SSH2: variants seen among roughly 807,000 people sequenced by gnomAD.
The protein encoded by SSH2 is slingshot protein phosphatase 2.
A neutral mutation model predicts 135.2 loss-of-function variants in SSH2; 37 were observed. That is an observed-to-expected ratio of 0.27 (90% CI 0.21 to 0.36). The LOEUF (loss-of-function observed/expected upper bound fraction) is 0.36, where lower values mean the gene tolerates loss of function less well. SSH2 is among the 10% of genes least tolerant of loss of function. SSH2 has a pLI of 1.00. For synonymous variants in SSH2, 628 were observed against 646.2 expected (o/e 0.97, Z 0.43); for missense variants, 1,408 against 1,765.3 (o/e 0.80, Z 3.63).
intron 1 of SSH2, among the ~76,000 whole-genome samples, chr17:29,884,358 G>T (rs1012019628): frequency 6.6e-6 from 1 of 152,080 alleles, no homozygotes; most frequent in Admixed American, 6.5e-5. Flanking sequence ...CTTTCTGATT[G>T]CTCCTTTCAG....
chr17:29,903,461 CAA>C (rs35245063), intron 1 of SSH2, among the ~76,000 whole-genome samples: 4 of 136,620 alleles, frequency 2.9e-5, no homozygotes, highest in Admixed American at 7.4e-5. Context: ...CAAGATTTAC[CAA>C]AAAAAAAAAA....
rs1224253862 is a variant in SSH2 at position 29,632,237 on chromosome 17, A to G, written c.2957T>C (p.Val986Ala). The change falls in exon 16 of 16, where the codon GTG becomes GCG. Residue 986 changes from valine to alanine, a missense_variant. Physicochemically the swap from Val to Ala is moderately conservative, Grantham distance 64. Around this residue, in one of 3 missense-constraint regions of SSH2, gnomAD observed 1,080 missense variants for 1,144.5 expected, o/e 0.94. Coordinates refer to ENST00000540801, the MANE Select transcript of SSH2 (RefSeq NM_001282129.2). ...EQNATVPAPRVLEFDHLPDPQ... is the reference protein window; with the variant it reads ...EQNATVPAPRALEFDHLPDPQ... ...ATCTGGCAAGTGGTCAAACTCCAGCACCCTGGGAGCTGGAACAGTGGCATT... is the reference window on the plus strand; with the variant it reads ...ATCTGGCAAGTGGTCAAACTCCAGCGCCCTGGGAGCTGGAACAGTGGCATT... 1.1e-5 allele frequency: 18 copies of G among 1,613,680 alleles called. No homozygotes were observed. The highest frequency in any genetic ancestry group is 1.5e-5 in the Non-Finnish European group (18 of 1,179,922).
Position 29,793,922 on chromosome 17 carries a change from C to T in SSH2, c.160G>A (p.Glu54Lys). 6.2e-7 allele frequency: 1 copy of T among 1,613,340 alleles called. No homozygotes were observed. Among genetic ancestry groups the T allele is most frequent in the Non-Finnish European group, 8.5e-7 (1 of 1,179,418 alleles). Reference protein sequence around the residue: ...FTDSNEADSGEEECRSQPRSI... With the variant: ...FTDSNEADSGKEECRSQPRSI... The stretch of plus-strand genomic sequence containing the variant: ...CTGGGCTGTGACCGGCATTCTTCCT[C>T]CCCACTGTCTGCCTCCTGTATAGAC... The change falls in exon 3 of 16, where the codon GAG becomes AAG. Residue 54 changes from glutamate to lysine, a missense_variant. Physicochemically the swap from Glu to Lys is moderately conservative, Grantham distance 56 (BLOSUM62 1). Coordinates refer to ENST00000540801, the MANE Select transcript of SSH2 (RefSeq NM_001282129.2).
chr17:29,642,310 G>T (rs2036195826), intron 14 of SSH2, among the ~76,000 whole-genome samples: 1 of 152,010 alleles, frequency 6.6e-6, no homozygotes, highest in Admixed American at 6.6e-5. Flanking sequence ...GGCACTCAAA[G>T]AATCAAAACT....
rs894046825 is a variant in SSH2 at position 29,626,249 on chromosome 17, T to C, written c.*4592A>G. The C allele has an allele frequency of 1.3e-5, 2 of 149,910 alleles. No individual in the cohort carries two copies. Among genetic ancestry groups the C allele is most frequent in the Non-Finnish European group, 3.0e-5 (2 of 67,636 alleles). The allele number at this position is 149,910 out of a possible 1,614,324, so 9.3% of individuals were successfully genotyped here. ...GAGAGTCTTCTGGACTTGTTTTCCA[T>C]GTTAGAACAAGTCCTACAAAACAAA... On this transcript the variant is annotated 3_prime_UTR_variant, in exon 16 of 16. Transcript: ENST00000540801.
At chr17:29,673,644 C>T (rs1422421421) in intron 8 of SSH2, among the ~76,000 whole-genome samples, 1 of 152,022 alleles carries the variant, frequency 6.6e-6, no homozygotes, top group Non-Finnish European at 1.5e-5. Flanking sequence ...AATTAGGGAC[C>T]TCACAGAAAA....
At position 29,673,756 on chromosome 17, in the gene SSH2, C is replaced by A. The variant is rs2037592876; in HGVS notation, c.615-1627G>T. ...TGGCTATGCATAGATGTATAATAAA[C>A]AAAGATATGACCATATTCTCCATAT... is the stretch of plus-strand genomic sequence containing the variant. On this transcript the variant is annotated intron_variant, in intron 8 of 15. Transcript: ENST00000540801. 9 of 244,370 alleles carry A rather than the reference C, an allele frequency of 3.7e-5. No homozygotes were observed. In the South Asian group the frequency reaches 4.7e-4, roughly 13 times the overall value. The allele number at this position is 244,370 out of a possible 1,614,324, so 15.1% of individuals were successfully genotyped here.
intron 3 of SSH2, among the ~76,000 whole-genome samples, chr17:29,738,512 A>G (rs1280250468): frequency 6.6e-6 from 1 of 151,254 alleles, no homozygotes; most frequent in Non-Finnish European, 1.5e-5. Context: ...AAGTCTCCTA[A>G]CTTCTCTGAG....
At chr17:29,842,245 G>A (rs1403012851) in intron 2 of SSH2, among the ~76,000 whole-genome samples, 1 of 151,972 alleles carries the variant, frequency 6.6e-6, no homozygotes, top group African/African-American at 2.4e-5. Context: ...CCTGAGGTCA[G>A]GAGTTCAAGA....
At chr17:29,742,488 T>TTG (rs1555625208) in intron 3 of SSH2, among the ~76,000 whole-genome samples, 2 of 145,882 alleles carry the variant, frequency 1.4e-5, no homozygotes, top group Non-Finnish European at 3.0e-5. Flanking sequence ...CCAGTTTTTT[T>TTG]TTTTTTTTTT....
chr17:29,702,901 T>C, intron 4 of SSH2, 58 bp downstream of exon 4: 1 of 1,302,838 alleles, frequency 7.7e-7, no homozygotes, highest in South Asian at 1.2e-5. Flanking sequence ...GTCAACCTTT[T>C]AGAATGTAAC....
rs754211061 is a variant in SSH2, at chr17:29,631,346, C to T, written c.3848G>A (p.Arg1283His). Residue 1283 changes from arginine to histidine, a missense_variant, in exon 16 of 16, where the codon CGC (arginine) becomes CAC (histidine). Physicochemically the swap from Arg to His is conservative, Grantham distance 29 (BLOSUM62 0). Coordinates refer to ENST00000540801, the MANE Select transcript of SSH2 (RefSeq NM_001282129.2). ...ACCTAATTTGGCGAGAGAAGCTGAG[C>T]GCCTCATTTGGGATGGTTTGGTGAG... is the stretch of plus-strand genomic sequence containing the variant. ...AGLTKPSQMR[R>H]SASLAKLGYL... 8.1e-6 allele frequency: 13 copies of T among 1,613,992 alleles called. No individual in the cohort carries two copies. The highest frequency in any genetic ancestry group is 5.3e-5 in the African/African-American group (4 of 74,886).
At chr17:29,712,917 GC>G (rs2039492388) in intron 3 of SSH2, among the ~76,000 whole-genome samples, 1 of 152,238 alleles carries the variant, frequency 6.6e-6, no homozygotes, top group African/African-American at 2.4e-5. Flanking sequence ...TAGCAGTAGG[GC>G]TGGGCTTAAG....
At chr17:29,802,155 C>G (rs936800109) in intron 2 of SSH2, among the ~76,000 whole-genome samples, 5 of 152,164 alleles carry the variant, frequency 3.3e-5, no homozygotes, top group Admixed American at 3.3e-4. Context: ...AGCCACTGCA[C>G]CCAGCCCATC....
rs934311304 is a variant in SSH2, at chr17:29,636,641, A to G, written c.1589T>C (p.Ile530Thr). 6.2e-7 allele frequency: 1 copy of G among 1,614,012 alleles called. No individual in the cohort carries two copies. The highest frequency in any genetic ancestry group is 1.3e-5 in the African/African-American group (1 of 74,908). ...EVKTMESHPP[I>T]PPVFVEHMVP... ...CATATGTTCCACAAAGACAGGAGGT[A>G]TGGGTGGGTGACTCTCCATGGTCTT... is the stretch of plus-strand genomic sequence containing the variant. Residue 530 changes from isoleucine (I) to threonine (T), a missense_variant, in exon 15 of 16, where the codon ATA becomes ACA. By Grantham distance (89) the Ile-to-Thr change is moderately conservative (BLOSUM62 -1). Around this residue, in one of 3 missense-constraint regions of SSH2, gnomAD observed 1,080 missense variants for 1,144.5 expected, o/e 0.94. Coordinates refer to ENST00000540801, the MANE Select transcript of SSH2 (RefSeq NM_001282129.2).
At chr17:29,839,103 G>C (rs890080240) in intron 2 of SSH2, 2 of 152,268 alleles carry the variant, frequency 1.3e-5, no homozygotes, top group African/African-American at 4.8e-5. Flanking sequence ...GTCAGCCGTG[G>C]AAGCTGGCTG....
intron 8 of SSH2, among the ~76,000 whole-genome samples, chr17:29,675,249 T>C (rs968032386): frequency 2.6e-5 from 4 of 152,162 alleles, no homozygotes; most frequent in African/African-American, 9.6e-5. Flanking sequence ...AGTGAGTCTT[T>C]GGATTCCACC....
At chr17:29,850,532 C>G (rs1469013750) in intron 1 of SSH2, among the ~76,000 whole-genome samples, 1 of 152,184 alleles carries the variant, frequency 6.6e-6, no homozygotes, top group East Asian at 1.9e-4. Flanking sequence ...CAGAGTTACT[C>G]TTTCTGATAA....
chr17:29,817,619 T>C (rs1042491346), intron 2 of SSH2, among the ~76,000 whole-genome samples: 2 of 152,192 alleles, frequency 1.3e-5, no homozygotes, highest in Admixed American at 6.5e-5. Flanking sequence ...CTATTAGTAA[T>C]ACAGAGTCAT....
Sources: allele counts gnomAD v4.1 joint callset (sites outside exome capture counted in the v4.1 genomes callset), GRCh38; gene constraint gnomAD v4.1.1; regional missense constraint gnomAD v4.1.1; transcripts MANE v1.5; gene names NCBI Gene and HGNC (gene_info 2026-07-23, HGNC 2026-07-21).